Variants in NMU observed in about 807,000 individuals in gnomAD.
NMU encodes neuromedin-U.
A neutral mutation model predicts 35.4 loss-of-function variants in NMU; 29 were observed. The observed-to-expected ratio is 0.82, with a 90% CI of 0.61 to 1.12. The LOEUF (loss-of-function observed/expected upper bound fraction) is 1.12, where lower values mean the gene tolerates loss of function less well. NMU is among the 50% of genes most tolerant of loss of function. NMU has a pLI of 0.00. For synonymous variants in NMU, 78 were observed against 81.3 expected (o/e 0.96, Z 0.22); for missense variants, 199 against 206.2 (o/e 0.97, Z 0.21).
chr4:55,633,485 A>G (rs1715729139), intron 1 of NMU, among the ~76,000 whole-genome samples: 1 of 152,214 alleles, frequency 6.6e-6, no homozygotes, highest in Admixed American at 6.5e-5. Context: ...CAATACTGTA[A>G]TTAGGTCACT....
intron 1 of NMU, among the ~76,000 whole-genome samples, chr4:55,632,683 G>A (rs1224902077): frequency 2.0e-5 from 3 of 152,138 alleles, no homozygotes; most frequent in Non-Finnish European, 4.4e-5. Flanking sequence ...CACTAAATGA[G>A]ATTCTGTTTG....
chr4:55,613,302 A>G (rs1734005638), intron 3 of NMU, among the ~76,000 whole-genome samples: 1 of 152,106 alleles, frequency 6.6e-6, no homozygotes, highest in African/African-American at 2.4e-5. Context: ...TGAACCTAAA[A>G]TTAAAAAAAA....
At position 55,633,283 on chromosome 4, in the gene NMU, C is replaced by T. The variant is rs1715718458; in HGVS notation, c.112+2798G>A. Among the ~76,000 whole-genome samples, 5 of 151,382 alleles carry T rather than the reference C, an allele frequency of 3.3e-5. 1 individual carries two copies. The highest frequency in any genetic ancestry group is 3.3e-4 in the Admixed American group (5 of 15,212). On this transcript the variant is annotated intron_variant, in intron 1 of 9. Transcript: ENST00000264218. ...GAGCTTGCAGTGAGCCCAGATGGCA[C>T]CACTGCACTCCGGCCTGGGCAACAG...
intron 3 of NMU, among the ~76,000 whole-genome samples, chr4:55,614,352 C>CA (rs1252495916): frequency 1.1e-4 from 16 of 149,428 alleles, no homozygotes; most frequent in Admixed American, 2.7e-4. Flanking sequence ...ATGAATGGGC[C>CA]AAAAAAAAGG....
intron 9 of NMU, among the ~76,000 whole-genome samples, chr4:55,596,121 A>G (rs1421256682): frequency 2.6e-5 from 4 of 152,168 alleles, no homozygotes; most frequent in African/African-American, 9.6e-5. Flanking sequence ...CTCCTTGTAT[A>G]TCTATTTCCT....
chr4:55,600,327 AAGAGATC>A (rs920389918), intron 8 of NMU, among the ~76,000 whole-genome samples, 188 bp downstream of exon 8: 3 of 152,162 alleles, frequency 2.0e-5, no homozygotes, highest in African/African-American at 7.2e-5. Flanking sequence ...TAGGTCAAAG[AAGAGATC>A]AGAGATCAGA....
upstream of NMU, chr4:55,636,363 G>C (rs1715934947): frequency 9.8e-7 from 1 of 1,025,206 alleles, no homozygotes; most frequent in South Asian, 2.6e-5. This position sits in a 1 kb window ranked among gnomAD's most constrained non-coding sequence, Gnocchi z 4.0. Flanking sequence ...CGCGGTCCCC[G>C]CCGCGCGTCA....
chr4:55,631,108 G>A (rs1734736406), intron 1 of NMU, among the ~76,000 whole-genome samples: 1 of 152,076 alleles, frequency 6.6e-6, no homozygotes, highest in Non-Finnish European at 1.5e-5. Context: ...AATGGTGCTA[G>A]GAAAACTGAC....
rs4558924 is a variant in NMU at position 55,634,274 on chromosome 4, A to G, written c.112+1807T>C. On this transcript the variant is annotated intron_variant, in intron 1 of 9. Transcript: ENST00000264218. ...ATTCACCCTCTGCCCTTCCTACCAC[A>G]TTTTTAAAGAGATAAAATTAGTTTT... 3.4e-3 allele frequency among the ~76,000 whole-genome samples: 518 copies of G among 152,128 alleles called. 3 individuals are homozygous for G. The highest frequency in any genetic ancestry group is 0.012 in the African/African-American group (493 of 41,462).
chr4:55,613,181 T>TA (rs912377465), intron 3 of NMU, among the ~76,000 whole-genome samples: 7 of 151,820 alleles, frequency 4.6e-5, no homozygotes, highest in African/African-American at 9.7e-5. Context: ...AGGGTTAGGA[T>TA]AAAAAAAATA....
chr4:55,613,606 C>A (rs1354660400), intron 3 of NMU, among the ~76,000 whole-genome samples: 1 of 152,098 alleles, frequency 6.6e-6, no homozygotes, highest in Non-Finnish European at 1.5e-5. Context: ...CATTGAATCA[C>A]GCCCCCCTGT....
intron 2 of NMU, among the ~76,000 whole-genome samples, chr4:55,626,789 T>G (rs1734548776): frequency 1.3e-5 from 2 of 152,218 alleles, no homozygotes; most frequent in South Asian, 4.1e-4. Context: ...GAAAGAAGTT[T>G]TATTTTTAAT....
chr4:55,611,827 A>G (rs1445829473), intron 3 of NMU, among the ~76,000 whole-genome samples: 2 of 152,212 alleles, frequency 1.3e-5, no homozygotes, highest in South Asian at 2.1e-4. Context: ...ATCCAAGGAC[A>G]TATTTCTCAG....
intron 2 of NMU, among the ~76,000 whole-genome samples, chr4:55,618,473 G>GT (rs1260435025): frequency 1.3e-5 from 2 of 152,022 alleles, no homozygotes; most frequent in African/African-American, 4.8e-5. Flanking sequence ...ATTGTGTTTG[G>GT]TTTTCTGTTC....
rs747469713 is a variant in NMU, at chr4:55,636,040, C to T, written c.112+41G>A. The T allele has an allele frequency of 8.5e-6, 13 of 1,532,516 alleles. No homozygotes were observed. In the South Asian group the frequency reaches 1.2e-4, roughly 14 times the overall value. 94.9% of individuals were successfully genotyped at this position (1,532,516 alleles called of 1,614,324 possible). On this transcript the variant is annotated intron_variant, in intron 1 of 9. Coordinates refer to ENST00000264218, the MANE Select transcript of NMU (RefSeq NM_006681.4). The surrounding 1 kb of genome is among the most constrained non-coding windows in gnomAD (Gnocchi z 4.0). ...AGCGGTGAGTGGAGCCAGAGAGAGGCGCGCATGGCGTGGAAGCGGCCGGGT... is the reference window on the plus strand; with the variant it reads ...AGCGGTGAGTGGAGCCAGAGAGAGGTGCGCATGGCGTGGAAGCGGCCGGGT...
At chr4:55,630,304 A>G (rs770445889) in intron 2 of NMU, 98 bp downstream of exon 2, 29 of 937,938 alleles carry the variant, frequency 3.1e-5, no homozygotes, top group Non-Finnish European at 4.7e-5. Context: ...GAGTGTTGGT[A>G]AAATCATAGT....
chr4:55,636,143 G>A lies in NMU; in HGVS notation c.50C>T (p.Ala17Val), dbSNP rs1360960936. 1 of 1,521,628 alleles carries A rather than the reference G, an allele frequency of 6.6e-7. No homozygotes were observed. Among genetic ancestry groups the A allele is most frequent in the African/African-American group, 1.4e-5 (1 of 71,270 alleles). The allele number at this position is 1,521,628 out of a possible 1,614,324, so 94.3% of individuals were successfully genotyped here. ...CAGCAGCAGGAGCGGGGACGCCGCG[G>A]CCACCTGTCCGGCGGGCGACCTGGG... The part of the protein sequence containing the change: ...CRPRSPAGQV[A>V]AASPLLLLLL... The change falls in exon 1 of 10, where the codon GCC becomes GTC. Residue 17 changes from alanine to valine, a missense_variant. Transcript: ENST00000264218. The surrounding 1 kb of genome is among the most constrained non-coding windows in gnomAD (Gnocchi z 4.0).
intron 7 of NMU, among the ~76,000 whole-genome samples, chr4:55,604,275 A>C (rs1560513852): frequency 6.6e-6 from 1 of 151,652 alleles, no homozygotes; most frequent in Non-Finnish European, 1.5e-5. Flanking sequence ...CATGTTGGCC[A>C]GGCTGGTCTC....
At chr4:55,614,224 C>T (rs1026620644) in intron 3 of NMU, among the ~76,000 whole-genome samples, 1 of 152,104 alleles carries the variant, frequency 6.6e-6, no homozygotes, top group Admixed American at 6.6e-5. Context: ...GTCCTATCCA[C>T]CTAGGACTCC....
Sources: allele counts gnomAD v4.1 joint callset (sites outside exome capture counted in the v4.1 genomes callset), GRCh38; gene constraint gnomAD v4.1.1; non-coding constraint Gnocchi (gnomAD v3.1); transcripts MANE v1.5; gene names NCBI Gene and HGNC (gene_info 2026-07-23, HGNC 2026-07-21).